The following IL5RA variants were observed in gnomAD, a reference collection of about 807,000 sequenced individuals.
The protein encoded by IL5RA is interleukin-5 receptor subunit alpha.
In IL5RA, 49 loss-of-function variants were observed where a neutral mutation model predicts 50.0. The observed-to-expected ratio is 0.98, with a 90% CI of 0.78 to 1.24. The LOEUF is 1.24. Among genes scored for constraint, IL5RA ranks in the 50% most tolerant of loss-of-function variants. The pLI, the probability that IL5RA is intolerant of heterozygous loss-of-function variation, is 0.00. For synonymous variants in IL5RA, 202 were observed against 174.0 expected, an observed-to-expected ratio of 1.16 and a Z score of -1.26; for missense variants, 600 against 500.4, an observed-to-expected ratio of 1.20 and a Z score of -1.90.
chr3:3,094,108 T>A (rs1207215398), intron 8 of IL5RA, among the ~76,000 whole-genome samples: 2 of 152,206 alleles, frequency 1.3e-5, no homozygotes, highest in African/African-American at 4.8e-5. Flanking sequence ...GCTAATGAGT[T>A]TTTTTAATTG....
intron 7 of IL5RA, among the ~76,000 whole-genome samples, chr3:3,097,628 G>A (rs1703423214): frequency 6.6e-6 from 1 of 151,868 alleles, no homozygotes; most frequent in South Asian, 2.1e-4. Flanking sequence ...AGTGTGTAGA[G>A]GCCAGAGATG....
intron 9 of IL5RA, among the ~76,000 whole-genome samples, chr3:3,091,234 A>G (rs1215999373): frequency 1.3e-5 from 2 of 152,170 alleles, no homozygotes; most frequent in African/African-American, 4.8e-5. Flanking sequence ...GTATAAAGTC[A>G]AAATTAGGTA....
chr3:3,086,829 G>T (rs539267489), intron 9 of IL5RA, among the ~76,000 whole-genome samples: 2 of 152,116 alleles, frequency 1.3e-5, no homozygotes, highest in African/African-American at 4.8e-5. Context: ...CCTATCAACC[G>T]ATGAGTGGAT....
intron 9 of IL5RA, among the ~76,000 whole-genome samples, chr3:3,078,887 G>C (rs4322988): frequency 6.6e-6 from 1 of 151,216 alleles, no homozygotes; most frequent in Admixed American, 6.6e-5. Flanking sequence ...TCATTTCCCA[G>C]CTCTAACACT....
At chr3:3,091,392 C>G (rs1703092992) in intron 9 of IL5RA, among the ~76,000 whole-genome samples, 1 of 152,110 alleles carries the variant, frequency 6.6e-6, no homozygotes, top group South Asian at 2.1e-4. Context: ...GGTACATGAA[C>G]TTAAACATGT....
intron 11 of IL5RA, among the ~76,000 whole-genome samples, chr3:3,071,895 C>A (rs1246575718): frequency 1.3e-5 from 2 of 152,190 alleles, no homozygotes; most frequent in Non-Finnish European, 2.9e-5. Flanking sequence ...CGGCCCTTCA[C>A]TGACGTCCAA....
In IL5RA at chr3:3,071,552, AGTGTGTGT is replaced by A. The variant is rs55736610; in HGVS notation, c.1177-1249_1177-1242del. On this transcript the variant is annotated intron_variant, in intron 11 of 11. Coordinates refer to ENST00000446632, the MANE Select transcript of IL5RA (RefSeq NM_175726.4). The stretch of plus-strand genomic sequence containing the variant: ...CTAAAGGCCAACTTTCTTCCTTCAC[AGTGTGTGT>A]GTGTGTGTGTGTGTGTGTGTGTGTG... Among the ~76,000 whole-genome samples, 553 of 136,056 alleles carry A rather than the reference AGTGTGTGT, an allele frequency of 4.1e-3. 4 individuals carry two copies. Among genetic ancestry groups the A allele is most frequent in the African/African-American group, 0.012 (432 of 35,702 alleles). 89.3% of individuals were successfully genotyped at this position (136,056 alleles called of 152,430 possible).
At chr3:3,090,988 TG>T (rs2125970549) in intron 9 of IL5RA, among the ~76,000 whole-genome samples, 1 of 152,256 alleles carries the variant, frequency 6.6e-6, no homozygotes, top group Admixed American at 6.5e-5. Context: ...TAGCTGCCAT[TG>T]GGTATATTAT....
At chr3:3,104,343 C>T (rs4054762) in intron 3 of IL5RA, among the ~76,000 whole-genome samples, 121,797 of 152,182 alleles carry the variant, frequency 0.8, 48,893 homozygotes, top group South Asian at 0.9. Flanking sequence ...ACGGCCTAAA[C>T]TAATTTAAAT....
chr3:3,099,383 C>T (rs1273944045), intron 5 of IL5RA, among the ~76,000 whole-genome samples: 1 of 151,968 alleles, frequency 6.6e-6, no homozygotes, highest in Non-Finnish European at 1.5e-5. Flanking sequence ...AGTCCCAGCA[C>T]TTTGGGAGGC....
Position 3,068,869 on chromosome 3 carries a change from A to T in IL5RA, c.*1356T>A, listed in dbSNP as rs964431224. ...AAATGGGACAGTAATACAGATTACTATAAGACAGTGCAGGCTTGTCAAGAT... is the reference window on the plus strand; with the variant it reads ...AAATGGGACAGTAATACAGATTACTTTAAGACAGTGCAGGCTTGTCAAGAT... On this transcript the variant is annotated 3_prime_UTR_variant, in exon 12 of 12. Transcript: ENST00000446632. The T allele has an allele frequency of 3.3e-5, 5 of 152,200 alleles. No individual in the cohort carries two copies. The highest frequency in any genetic ancestry group is 4.8e-5 in the African/African-American group (2 of 41,456). The allele number at this position is 152,200 out of a possible 1,614,324, so 9.4% of individuals were successfully genotyped here. A position where few individuals can be genotyped will look rare whatever the true frequency, so the allele number is the denominator to read the frequency against.
chr3:3,089,202 G>T (rs1702991513), intron 9 of IL5RA, among the ~76,000 whole-genome samples: 1 of 152,174 alleles, frequency 6.6e-6, no homozygotes, highest in African/African-American at 2.4e-5. Context: ...GAAGGCTCAT[G>T]CTGCTCCTGT....
intron 5 of IL5RA, among the ~76,000 whole-genome samples, chr3:3,100,212 C>T (rs974212818): frequency 2.6e-5 from 4 of 152,102 alleles, no homozygotes; most frequent in Admixed American, 6.6e-5. Context: ...GTCTTTTGAT[C>T]GTAGCTTAAG....
At chr3:3,109,698 A>C (rs1337629924) in intron 1 of IL5RA, among the ~76,000 whole-genome samples, 1 of 152,210 alleles carries the variant, frequency 6.6e-6, no homozygotes, top group African/African-American at 2.4e-5. Context: ...TAATGGGACC[A>C]TTATTAGTTC....
At chr3:3,071,581 G>A (rs1440515736) in intron 11 of IL5RA, among the ~76,000 whole-genome samples, 25 of 84,620 alleles carry the variant, frequency 3.0e-4, no homozygotes, top group African/African-American at 1.2e-3. Flanking sequence ...GTGTGTGTGT[G>A]TGTGTGTGTG....
At chr3:3,095,131 A>C (rs1703298312) in intron 8 of IL5RA, among the ~76,000 whole-genome samples, 168 bp downstream of exon 8, 1 of 152,204 alleles carries the variant, frequency 6.6e-6, no homozygotes, top group Non-Finnish European at 1.5e-5. Context: ...GGCCAGTAAG[A>C]TTTGGTTTAT....
chr3:3,085,935 G>C (rs1419231764), intron 9 of IL5RA, among the ~76,000 whole-genome samples: 1 of 148,126 alleles, frequency 6.8e-6, no homozygotes, highest in African/African-American at 2.7e-5. Flanking sequence ...ATGAATGAGT[G>C]ATCTGAAAAT....
At chr3:3,084,156 A>G (rs769826653) in intron 9 of IL5RA, among the ~76,000 whole-genome samples, 3 of 152,204 alleles carry the variant, frequency 2.0e-5, no homozygotes, top group Non-Finnish European at 4.4e-5. Context: ...GCATTATAAA[A>G]CAGGGATAAG....
At chr3:3,098,093 AG>A in intron 6 of IL5RA, 36 bp from the exon 7 acceptor site, 1 of 1,613,904 alleles carries the variant, frequency 6.2e-7, no homozygotes. Context: ...ATGAGGTTGC[AG>A]GAAACAACCA....
Sources: allele counts gnomAD v4.1 joint callset (sites outside exome capture counted in the v4.1 genomes callset), GRCh38; gene constraint gnomAD v4.1.1; transcripts MANE v1.5; gene names NCBI Gene and HGNC (gene_info 2026-07-23, HGNC 2026-07-21).